Variants in CNTN5 observed in about 807,000 individuals in gnomAD.
CNTN5 encodes contactin 5, also known as contactin-5.
CNTN5 carries 77 observed loss-of-function variants against 129.1 expected under a neutral mutation model. That is an observed-to-expected ratio of 0.60 (90% confidence interval 0.50 to 0.72). The LOEUF (loss-of-function observed/expected upper bound fraction) is 0.72, where lower values mean the gene tolerates loss of function less well. CNTN5 is among the 30% of genes least tolerant of loss of function. The pLI is 0.00. For synonymous variants in CNTN5, 509 were observed against 465.6 expected, an observed-to-expected ratio of 1.09 and a Z score of -1.20; for missense variants, 1,478 against 1,328.8, an observed-to-expected ratio of 1.11 and a Z score of -1.75.
chr11:99,274,372 T>C (rs1000970148), intron 1 of CNTN5, among the ~76,000 whole-genome samples: 1 of 151,740 alleles, frequency 6.6e-6, no homozygotes, highest in Admixed American at 6.6e-5. Flanking sequence ...TTTTTGTTTT[T>C]AACAGAGCAT....
Position 99,098,749 on chromosome 11 carries a change from A to C in CNTN5, c.-210+77479A>C, listed in dbSNP as rs76438077. The stretch of plus-strand genomic sequence containing the variant: ...TACTTTAGTCTATACTCGTATTCAT[A>C]GCATGCTTAAGTTTCCCATAAATCT... On this transcript the variant is annotated intron_variant, in intron 1 of 24. Coordinates refer to ENST00000524871, the MANE Select transcript of CNTN5 (RefSeq NM_014361.4). Among the ~76,000 whole-genome samples, 175 of 152,164 alleles carry C rather than the reference A, an allele frequency of 1.2e-3. 3 individuals carry two copies. The highest frequency in any genetic ancestry group is 4.0e-3 in the African/African-American group (167 of 41,544).
In CNTN5 at chr11:100,251,632, T is replaced by A. The variant is rs528643090; in HGVS notation, c.2006-4128T>A. 7.2e-5 allele frequency among the ~76,000 whole-genome samples: 11 copies of A among 151,966 alleles called. No individual in the cohort carries two copies. In the South Asian group the frequency reaches 2.3e-3, roughly 32 times the overall value. On this transcript the variant is annotated intron_variant, in intron 16 of 24. Transcript: ENST00000524871. Reference sequence around the variant, plus strand: ...TGTCCTTTCTACTTCTATGAGATCCTTTTTTTTAGCTTTCACATATAAGTG... The same window carrying A: ...TGTCCTTTCTACTTCTATGAGATCCATTTTTTTAGCTTTCACATATAAGTG...
intron 23 of CNTN5, among the ~76,000 whole-genome samples, chr11:100,349,892 C>T (rs1245653114): frequency 6.6e-6 from 1 of 151,678 alleles, no homozygotes; most frequent in Non-Finnish European, 1.5e-5. Flanking sequence ...CCTAACTAGC[C>T]ACACGGTCTT....
At chr11:99,111,788 A>G (rs1224722778) in intron 1 of CNTN5, among the ~76,000 whole-genome samples, 3 of 152,072 alleles carry the variant, frequency 2.0e-5, no homozygotes, top group Non-Finnish European at 4.4e-5. Flanking sequence ...GAACCTATTT[A>G]ATACATCTTT....
chr11:100,314,370 C>G (rs1245525635), intron 21 of CNTN5, among the ~76,000 whole-genome samples: 1 of 152,136 alleles, frequency 6.6e-6, no homozygotes, highest in Non-Finnish European at 1.5e-5. Context: ...GAGACTTTAA[C>G]ATGGTGTTTC....
intron 1 of CNTN5, among the ~76,000 whole-genome samples, chr11:99,069,882 G>A (rs903815822): frequency 6.6e-6 from 1 of 152,138 alleles, no homozygotes; most frequent in African/African-American, 2.4e-5. Flanking sequence ...CAGTGCAATA[G>A]GGTTAAAGCC....
At chr11:99,524,782 G>T (rs992746854) in intron 2 of CNTN5, among the ~76,000 whole-genome samples, 1 of 150,984 alleles carries the variant, frequency 6.6e-6, no homozygotes, top group South Asian at 2.1e-4. Flanking sequence ...CAGCCTGGGC[G>T]ACAGAGCAAG....
At chr11:99,526,247 T>G (rs1473649235) in intron 2 of CNTN5, among the ~76,000 whole-genome samples, 1 of 152,184 alleles carries the variant, frequency 6.6e-6, no homozygotes, top group African/African-American at 2.4e-5. Flanking sequence ...GTGTGTTTTT[T>G]CTTTAAATGC....
chr11:99,374,124 T>C (rs949118426), intron 2 of CNTN5, among the ~76,000 whole-genome samples: 3 of 152,230 alleles, frequency 2.0e-5, no homozygotes, highest in Non-Finnish European at 4.4e-5. Flanking sequence ...GCTAACTGGT[T>C]AATGACACAA....
chr11:100,018,689 T>C (rs1458300223), intron 9 of CNTN5, among the ~76,000 whole-genome samples: 2 of 151,970 alleles, frequency 1.3e-5, no homozygotes, highest in African/African-American at 4.8e-5. Flanking sequence ...TAAATACTTA[T>C]GAGTGGAATG....
intron 9 of CNTN5, among the ~76,000 whole-genome samples, chr11:100,038,351 G>C (rs899619214): frequency 1.3e-5 from 2 of 152,134 alleles, no homozygotes; most frequent in African/African-American, 2.4e-5. Context: ...TATGATTTCT[G>C]TTCTTTTACA....
intron 3 of CNTN5, among the ~76,000 whole-genome samples, chr11:99,639,569 T>TTG (rs1420214073): frequency 7.1e-6 from 1 of 140,430 alleles, no homozygotes; most frequent in Non-Finnish European, 1.5e-5. Flanking sequence ...GTTTTTTTTT[T>TTG]TTTTTTTTTT....
intron 3 of CNTN5, among the ~76,000 whole-genome samples, chr11:99,691,764 A>G (rs1206828387): frequency 6.6e-6 from 1 of 152,112 alleles, no homozygotes. Context: ...TGTCGGATCC[A>G]CTTGATCCAG....
chr11:99,178,893 G>T (rs1387242204), intron 1 of CNTN5, among the ~76,000 whole-genome samples: 1 of 151,946 alleles, frequency 6.6e-6, no homozygotes, highest in Non-Finnish European at 1.5e-5. Context: ...TACCCAAATT[G>T]TGCCAGAAAC....
chr11:99,488,677 G>A (rs1388605530), intron 2 of CNTN5, among the ~76,000 whole-genome samples: 1 of 152,134 alleles, frequency 6.6e-6, no homozygotes, highest in Admixed American at 6.5e-5. Flanking sequence ...ACATAGAATT[G>A]TGGAAAATGT....
intron 3 of CNTN5, among the ~76,000 whole-genome samples, chr11:99,687,390 G>A (rs1333291772): frequency 6.6e-6 from 1 of 152,086 alleles, no homozygotes; most frequent in Non-Finnish European, 1.5e-5. Context: ...TAGTTTAGTA[G>A]CCACTGAATT....
At chr11:99,786,750 G>A (rs1945540414) in intron 3 of CNTN5, among the ~76,000 whole-genome samples, 1 of 152,134 alleles carries the variant, frequency 6.6e-6, no homozygotes, top group Non-Finnish European at 1.5e-5. Context: ...AACCAGAAAT[G>A]GAGAAAGGAT....
At chr11:99,081,190 T>A (rs1327251059) in intron 1 of CNTN5, among the ~76,000 whole-genome samples, 1 of 152,182 alleles carries the variant, frequency 6.6e-6, no homozygotes, top group Non-Finnish European at 1.5e-5. Flanking sequence ...TCTTCCTCAT[T>A]TCTCAATAAA....
intron 3 of CNTN5, among the ~76,000 whole-genome samples, chr11:99,651,077 G>T (rs985469624): frequency 6.6e-6 from 1 of 151,858 alleles, no homozygotes; most frequent in African/African-American, 2.4e-5. Context: ...TATTTAACAT[G>T]CACAATCAAG....
Sources: gnomAD v4.1 joint callset for allele counts (sites outside exome capture counted in the v4.1 genomes callset) on GRCh38, gnomAD v4.1.1 for gene constraint, MANE v1.5 for transcripts, NCBI Gene and HGNC (gene_info 2026-07-23, HGNC 2026-07-21) for gene names.